The following CDCP1 variants were observed in gnomAD, a reference collection of about 807,000 sequenced individuals.
CDCP1 encodes the protein CUB domain containing protein 1.
CDCP1 carries 29 observed loss-of-function variants against 60.2 expected under a neutral mutation model. The observed-to-expected ratio is 0.48, with a 90% CI of 0.36 to 0.66. The LOEUF (loss-of-function observed/expected upper bound fraction) is 0.66, where lower values mean the gene tolerates loss of function less well. CDCP1 is among the 30% of genes least tolerant of loss of function. The pLI is 0.00. For missense variants in CDCP1, 876 were observed against 1,074.3 expected (o/e 0.82, Z 2.58); for synonymous variants, 387 against 431.1 (o/e 0.90, Z 1.27).
chr3:45,146,308 T>C lies in CDCP1; in HGVS notation c.-21A>G. The C allele has an allele frequency of 6.5e-7, 1 of 1,549,648 alleles. No homozygotes were observed. Among genetic ancestry groups the C allele is most frequent in the Non-Finnish European group, 8.7e-7 (1 of 1,152,382 alleles). On this transcript the variant is annotated 5_prime_UTR_variant, in exon 1 of 9. Coordinates refer to ENST00000296129, the MANE Select transcript of CDCP1 (RefSeq NM_022842.5). ...GCCATGACTCCGGGACGCCTCGGCC[T>C]CGGTGGGGAAAACGACGGTGGGGAG...
At chr3:45,137,246 ACTGTTCTGATCC>A (rs1483934277) in intron 1 of CDCP1, among the ~76,000 whole-genome samples, 1 of 152,144 alleles carries the variant, frequency 6.6e-6, no homozygotes, top group Non-Finnish European at 1.5e-5. Context: ...TGCCATATGT[ACTGTTCTGATCC>A]TTGTGTTTTT....
At chr3:45,100,282 T>C (rs1327797186) in intron 4 of CDCP1, among the ~76,000 whole-genome samples, 1 of 152,224 alleles carries the variant, frequency 6.6e-6, no homozygotes, top group Admixed American at 6.5e-5. Context: ...CAATCCCCCG[T>C]GTTCAGCTTA....
intron 8 of CDCP1, among the ~76,000 whole-genome samples, chr3:45,087,315 T>G (rs1386155035): frequency 2.6e-5 from 4 of 152,208 alleles, no homozygotes; most frequent in Non-Finnish European, 4.4e-5. Flanking sequence ...ACAGGCCTTA[T>G]GCAAACCTGC....
intron 4 of CDCP1, among the ~76,000 whole-genome samples, chr3:45,100,199 G>A (rs147528852): frequency 2.6e-5 from 4 of 152,272 alleles, no homozygotes; most frequent in Non-Finnish European, 1.5e-5. Flanking sequence ...ATTCTCTACC[G>A]AAGGGAAGAA....
chr3:45,093,051 T>C lies in CDCP1; in HGVS notation c.1627+226A>G, dbSNP rs117501861. On this transcript the variant is annotated intron_variant, in intron 6 of 8. Transcript: ENST00000296129. The stretch of plus-strand genomic sequence containing the variant: ...TTTGCTGCCTACCAACCATCGCCTC[T>C]CACTGTCAGAAACATTTTTTATTTC... 7.7e-4 allele frequency among the ~76,000 whole-genome samples: 117 copies of C among 152,348 alleles called. 3 individuals carry two copies. In the East Asian group the frequency reaches 0.015, roughly 20 times the overall value.
intron 8 of CDCP1, 104 bp downstream of exon 8, chr3:45,088,950 A>G (rs1698245283): frequency 1.1e-6 from 1 of 942,104 alleles, no homozygotes; most frequent in Admixed American, 2.1e-5. Flanking sequence ...TTTGGGGGAA[A>G]AAATGGGAAG....
intron 1 of CDCP1, among the ~76,000 whole-genome samples, chr3:45,139,060 T>G (rs1452283504): frequency 6.6e-6 from 1 of 152,060 alleles, no homozygotes; most frequent in African/African-American, 2.4e-5. Flanking sequence ...CTGGGCTCTT[T>G]TTAACAACCA....
Position 45,146,239 on chromosome 3 carries a change from G to A in CDCP1, c.49C>T (p.Leu17=). ...CGCGGCAGGCGCGCCGCACCCAGCA[G>A]CAGAACCCCTAGCAGTGCGATAGAG... ...GVSIALLGVL[L]LGAARLPRGA... is the part of the protein sequence containing the mutation. Residue 17 remains leucine, a synonymous_variant, in exon 1 of 9, where the codon CTG becomes TTG. Coordinates refer to ENST00000296129, the MANE Select transcript of CDCP1 (RefSeq NM_022842.5). 6.3e-7 allele frequency: 1 copy of A among 1,598,844 alleles called. No individual in the cohort carries two copies. Among genetic ancestry groups the A allele is most frequent in the South Asian group, 1.1e-5 (1 of 89,314 alleles).
rs1245551496 is a variant in CDCP1 at position 45,110,827 on chromosome 3, C to T, written c.670G>A (p.Glu224Lys). The change falls in exon 4 of 9, where the codon GAG becomes AAG. Residue 224 changes from glutamate (E) to lysine (K), a missense_variant. Transcript: ENST00000296129. ...RSSIKRLCII[E>K]SVFEGEGSAT... is the part of the protein sequence containing the mutation. ...GAGCCTTCACCCTCAAACACAGACTCGATGATGCACAGACCTAGTGGGAGT... is the reference window on the plus strand; with the variant it reads ...GAGCCTTCACCCTCAAACACAGACTTGATGATGCACAGACCTAGTGGGAGT... The T allele has an allele frequency of 6.2e-6, 10 of 1,612,770 alleles. No homozygotes were observed. Among genetic ancestry groups the T allele is most frequent in the South Asian group, 3.3e-5 (3 of 90,968 alleles).
intron 1 of CDCP1, among the ~76,000 whole-genome samples, chr3:45,124,131 A>G (rs752439624): frequency 6.6e-6 from 1 of 152,114 alleles, no homozygotes; most frequent in Non-Finnish European, 1.5e-5. Flanking sequence ...ATGATTCACC[A>G]TTCATTAATC....
At chr3:45,139,603 G>A (rs897079469) in intron 1 of CDCP1, 3 of 152,208 alleles carry the variant, frequency 2.0e-5, no homozygotes, top group African/African-American at 7.2e-5. Flanking sequence ...AATAGTGACC[G>A]GGAGAGCCTG....
At chr3:45,123,596 G>A (rs1698923021) in intron 1 of CDCP1, among the ~76,000 whole-genome samples, 1 of 152,162 alleles carries the variant, frequency 6.6e-6, no homozygotes, top group Admixed American at 6.5e-5. Context: ...AGAAGATAAT[G>A]ATTCAACACC....
intron 1 of CDCP1, among the ~76,000 whole-genome samples, chr3:45,133,161 GAA>G (rs1375514983): frequency 6.6e-6 from 1 of 152,106 alleles, no homozygotes; most frequent in Non-Finnish European, 1.5e-5. Flanking sequence ...AGTGTTGGTT[GAA>G]AGCCAGCAAG....
intron 1 of CDCP1, among the ~76,000 whole-genome samples, chr3:45,140,603 G>A (rs1576125317): frequency 1.3e-5 from 2 of 152,304 alleles, no homozygotes; most frequent in South Asian, 4.1e-4. Flanking sequence ...GGGAGCCCTG[G>A]CAAGTCACGT....
At chr3:45,118,791 G>A (rs1352274148) in intron 1 of CDCP1, among the ~76,000 whole-genome samples, 170 bp from the exon 2 acceptor site, 1 of 152,176 alleles carries the variant, frequency 6.6e-6, no homozygotes, top group Non-Finnish European at 1.5e-5. Flanking sequence ...CCTTAGCAAT[G>A]AAAAAGAACC....
chr3:45,127,491 C>G (rs1699023041), intron 1 of CDCP1, among the ~76,000 whole-genome samples: 2 of 152,196 alleles, frequency 1.3e-5, no homozygotes, highest in South Asian at 4.1e-4. Flanking sequence ...GAAAAGCATG[C>G]TATAGAAGCC....
intron 4 of CDCP1, among the ~76,000 whole-genome samples, chr3:45,100,023 C>T (rs1267633019): frequency 1.3e-5 from 2 of 152,052 alleles, no homozygotes; most frequent in African/African-American, 4.8e-5. Context: ...GATCTATATA[C>T]TGCTCTTATT....
At chr3:45,093,751 G>T in intron 5 of CDCP1, 94 bp from the exon 6 acceptor site, 1 of 1,409,412 alleles carries the variant, frequency 7.1e-7, no homozygotes, top group Non-Finnish European at 9.7e-7. Context: ...GTGTCTGCAT[G>T]CTGCCCTGTG....
At chr3:45,146,461 CT>C (rs1041194519), upstream of CDCP1, 4 of 511,050 alleles carry the variant, frequency 7.8e-6, no homozygotes, top group African/African-American at 6.1e-5. Context: ...TGCGTCCCTC[CT>C]CTCTCTCCTC....
Sources: allele counts gnomAD v4.1 joint callset (sites outside exome capture counted in the v4.1 genomes callset), GRCh38; gene constraint gnomAD v4.1.1; transcripts MANE v1.5; gene names NCBI Gene and HGNC (gene_info 2026-07-23, HGNC 2026-07-21).